SIRT1: variants seen among roughly 807,000 people sequenced by gnomAD.
The protein encoded by SIRT1 is NAD-dependent protein deacetylase sirtuin-1.
SIRT1 carries 24 observed loss-of-function variants against 67.9 expected under a neutral mutation model. That is an observed-to-expected ratio of 0.35 (90% confidence interval 0.26 to 0.50). SIRT1 has a LOEUF of 0.50. Among genes scored for constraint, SIRT1 ranks in the 20% least tolerant of loss-of-function variants. The pLI is 0.98. For missense variants in SIRT1, 873 were observed against 937.2 expected (o/e 0.93, Z 0.89); for synonymous variants, 378 against 350.7 (o/e 1.08, Z -0.87).
At position 67,916,810 on chromosome 10, in the gene SIRT1, AAAAG is replaced by A. The variant is rs936950010; in HGVS notation, c.*218_*221del. On this transcript the variant is annotated 3_prime_UTR_variant, in exon 9 of 9. Transcript: ENST00000212015. ...ACTAACTTTTTTTTTTTTAAAAAAA[AAAAG>A]GTACTAAGTATCTTCAATCAGCTGT... The A allele has an allele frequency of 4.4e-5, 14 of 315,592 alleles. No homozygotes were observed. Among genetic ancestry groups the A allele is most frequent in the East Asian group, 1.3e-4 (3 of 23,274 alleles). 19.5% of individuals were successfully genotyped at this position (315,592 alleles called of 1,614,324 possible).
At chr10:67,888,694 A>G (rs1842524304) in intron 2 of SIRT1, among the ~76,000 whole-genome samples, 188 bp from the exon 3 acceptor site, 1 of 152,228 alleles carries the variant, frequency 6.6e-6, no homozygotes, top group South Asian at 2.1e-4. Flanking sequence ...CCAACTCTTC[A>G]TTAGATCTTC....
intron 3 of SIRT1, among the ~76,000 whole-genome samples, chr10:67,890,231 T>A (rs940351465): frequency 2.0e-5 from 3 of 152,140 alleles, no homozygotes; most frequent in Non-Finnish European, 4.4e-5. Flanking sequence ...AATTTTTGTA[T>A]TTTTAGTAGA....
intron 4 of SIRT1, among the ~76,000 whole-genome samples, chr10:67,896,229 T>G (rs1287028834): frequency 3.9e-5 from 6 of 152,170 alleles, no homozygotes; most frequent in African/African-American, 1.4e-4. Context: ...CTGGGCTCCT[T>G]GAACAGGAGG....
intron 6 of SIRT1, among the ~76,000 whole-genome samples, chr10:67,908,680 G>A (rs1239629056): frequency 1.3e-5 from 2 of 152,108 alleles, no homozygotes; most frequent in Non-Finnish European, 1.5e-5. Flanking sequence ...GAGGTGGGTC[G>A]ATCATTTGAG....
Position 67,888,965 on chromosome 10 carries a change from C to G in SIRT1, c.631C>G (p.Pro211Ala). 1.2e-6 allele frequency: 2 copies of G among 1,613,920 alleles called. No homozygotes were observed. The highest frequency in any genetic ancestry group is 2.7e-5 in the African/African-American group (2 of 75,026). The part of the protein sequence containing the change: ...ILKDLLPETI[P>A]PPELDDMTLW... ...TAAAGATTTATTGCCGGAAACAATA[C>G]CTCCACCTGAGTTGGATGATATGAC... The change falls in exon 3 of 9, where the codon CCT becomes GCT. Residue 211 changes from proline (P) to alanine (A), a missense_variant. Around this residue, in one of 3 missense-constraint regions of SIRT1, gnomAD observed 251 missense variants for 358.8 expected, o/e 0.70. Coordinates refer to ENST00000212015, the MANE Select transcript of SIRT1 (RefSeq NM_012238.5).
chr10:67,892,893 C>T (rs1330869941), intron 4 of SIRT1, among the ~76,000 whole-genome samples: 4 of 152,158 alleles, frequency 2.6e-5, no homozygotes, highest in African/African-American at 7.2e-5. Context: ...TGAGCCACCG[C>T]GCCTGGCCAG....
intron 4 of SIRT1, chr10:67,906,401 A>C: frequency 2.9e-6 from 3 of 1,045,788 alleles, no homozygotes; most frequent in Non-Finnish European, 4.0e-6. Context: ...TTTTTAAATC[A>C]CCCTACCTTG....
chr10:67,912,274 G>A (rs1842911920), intron 7 of SIRT1, among the ~76,000 whole-genome samples, 200 bp from the exon 8 acceptor site: 1 of 152,120 alleles, frequency 6.6e-6, no homozygotes, highest in South Asian at 2.1e-4. Flanking sequence ...CAGAACTTGA[G>A]CGTTTTATAA....
chr10:67,913,707 G>A (rs926743160), intron 8 of SIRT1, among the ~76,000 whole-genome samples: 13 of 152,046 alleles, frequency 8.6e-5, no homozygotes, highest in Admixed American at 3.9e-4. Context: ...CTGTATGGTG[G>A]AAATTCCTAA....
At chr10:67,906,078 A>T in intron 4 of SIRT1, 1 of 1,141,170 alleles carries the variant, frequency 8.8e-7, no homozygotes, top group Non-Finnish European at 1.1e-6. Context: ...TAATAAAAAC[A>T]CTGTCAAAAG....
chr10:67,900,070 C>T (rs966899212), intron 4 of SIRT1, among the ~76,000 whole-genome samples: 4 of 151,890 alleles, frequency 2.6e-5, no homozygotes, highest in Admixed American at 6.5e-5. Context: ...GGCAACAGAG[C>T]GAGACTCTAT....
At chr10:67,911,637 G>A (rs1254054952) in intron 7 of SIRT1, among the ~76,000 whole-genome samples, 6 of 86,220 alleles carry the variant, frequency 7.0e-5, no homozygotes, top group Admixed American at 1.9e-4. Flanking sequence ...CCTCCCTTCC[G>A]TTTGTCCTTC....
In SIRT1 at chr10:67,916,790, CTT is replaced by C. The variant is rs61666042; in HGVS notation, c.*208_*209del. The C allele has an allele frequency of 8.0e-5, 22 of 273,968 alleles. No homozygotes were observed. Among genetic ancestry groups the C allele is most frequent in the East Asian group, 3.6e-4 (7 of 19,256 alleles). 17.0% of individuals were successfully genotyped at this position (273,968 alleles called of 1,614,324 possible). A position where few individuals can be genotyped will look rare whatever the true frequency, so the allele number is the denominator to read the frequency against. On this transcript the variant is annotated 3_prime_UTR_variant, in exon 9 of 9. Coordinates refer to ENST00000212015, the MANE Select transcript of SIRT1 (RefSeq NM_012238.5). The stretch of plus-strand genomic sequence containing the variant: ...TGTACTTGTACAAACTCAACACTAA[CTT>C]TTTTTTTTTTAAAAAAAAAAAGGTA...
intron 4 of SIRT1, among the ~76,000 whole-genome samples, chr10:67,900,455 T>C (rs534967648): frequency 9.4e-4 from 143 of 151,464 alleles, no homozygotes; most frequent in Non-Finnish European, 1.8e-3. Context: ...CAACATCTTA[T>C]TGTTTGAGAC....
intron 4 of SIRT1, among the ~76,000 whole-genome samples, chr10:67,899,959 C>T (rs547845989): frequency 1.9e-3 from 293 of 152,090 alleles, no homozygotes; most frequent in Non-Finnish European, 3.4e-3. Flanking sequence ...TGGCAAGCGC[C>T]TGTAGTCCCA....
In SIRT1 at chr10:67,885,463, T is replaced by C. The variant is rs1842462548; in HGVS notation, c.430+312T>C. The C allele has an allele frequency of 3.6e-6, 4 of 1,113,568 alleles. No homozygotes were observed. The South Asian group carries it at 1.4e-4, about 39-fold the overall frequency. The allele number at this position is 1,113,568 out of a possible 1,614,324, so 69.0% of individuals were successfully genotyped here. ...CTCCCCCTCTTACTCTTTTAGCATA[T>C]TGCTTTTGTTAGAGCTTTTTTTTTC... On this transcript the variant is annotated intron_variant, in intron 1 of 8. Transcript: ENST00000212015.
At chr10:67,906,334 T>C in intron 4 of SIRT1, 1 of 1,522,366 alleles carries the variant, frequency 6.6e-7, no homozygotes, top group South Asian at 1.3e-5. Context: ...GTTGATATTC[T>C]AATGAATGAT....
intron 2 of SIRT1, 82 bp downstream of exon 2, chr10:67,887,615 T>G: frequency 2.1e-6 from 2 of 932,730 alleles, no homozygotes; most frequent in Admixed American, 4.0e-5. Flanking sequence ...TCGCTCTTGT[T>G]GCGGAGGCTG....
intron 7 of SIRT1, among the ~76,000 whole-genome samples, chr10:67,912,259 A>G (rs574317213): frequency 1.3e-5 from 2 of 152,290 alleles, no homozygotes; most frequent in East Asian, 3.9e-4. Context: ...ACCAGGTGAT[A>G]GGAGCAGAAC....
Sources: gnomAD v4.1 joint callset for allele counts (sites outside exome capture counted in the v4.1 genomes callset) on GRCh38, gnomAD v4.1.1 for gene constraint, gnomAD v4.1.1 regional missense constraint, MANE v1.5 for transcripts, NCBI Gene and HGNC (gene_info 2026-07-23, HGNC 2026-07-21) for gene names.